CLMN: variants seen among roughly 807,000 people sequenced by gnomAD.
The protein encoded by CLMN is calmin.
CLMN carries 57 observed loss-of-function variants against 92.7 expected under a neutral mutation model. The ratio of observed to expected loss-of-function variants is 0.61; its 90% CI spans 0.50 to 0.77. The LOEUF (loss-of-function observed/expected upper bound fraction) is 0.77, where lower values mean the gene tolerates loss of function less well. Among genes scored for constraint, CLMN ranks in the 30% least tolerant of loss-of-function variants. CLMN has a pLI of 0.00. For synonymous variants in CLMN, 466 were observed against 470.6 expected, an observed-to-expected ratio of 0.99 and a Z score of 0.13; for missense variants, 1,158 against 1,237.5, an observed-to-expected ratio of 0.94 and a Z score of 0.96.
chr14:95,209,953 G>A (rs1045674026), intron 7 of CLMN, among the ~76,000 whole-genome samples: 25 of 152,204 alleles, frequency 1.6e-4, no homozygotes, highest in African/African-American at 5.8e-4. Flanking sequence ...TGGGATGCAC[G>A]TTGAGCTTTA....
chr14:95,182,565 C>T lies in CLMN; in HGVS notation c.*8999G>A, dbSNP rs1406627959. The T allele has an allele frequency of 6.6e-6, 1 of 151,872 alleles. No homozygotes were observed. Among genetic ancestry groups the T allele is most frequent in the African/African-American group, 2.4e-5 (1 of 41,124 alleles). 9.4% of individuals were successfully genotyped at this position (151,872 alleles called of 1,614,324 possible). A position where few individuals can be genotyped will look rare whatever the true frequency, so the allele number is the denominator to read the frequency against. Reference sequence around the variant, plus strand: ...CAGAGGGCAGGTGTCCCCTGCACCACATTCCCTCCCCACAGCTACCGCCCC... The same window carrying T: ...CAGAGGGCAGGTGTCCCCTGCACCATATTCCCTCCCCACAGCTACCGCCCC... On this transcript the variant is annotated 3_prime_UTR_variant, in exon 13 of 13. Transcript: ENST00000298912.
rs1901957475 is a variant in CLMN at position 95,319,649 on chromosome 14, G to A, written c.82+62C>T. The A allele has an allele frequency of 8.7e-6, 12 of 1,378,178 alleles. No homozygotes were observed. The South Asian group carries it at 1.3e-4, about 15-fold the overall frequency. The allele number at this position is 1,378,178 out of a possible 1,614,324, so 85.4% of individuals were successfully genotyped here. A position where few individuals can be genotyped will look rare whatever the true frequency, so the allele number is the denominator to read the frequency against. ...CGGCGCGGGGGAGTTGCCAAGTGTC[G>A]GAGCGGCGCCCCGGGCCCCCCGAGC... On this transcript the variant is annotated intron_variant, in intron 1 of 12. Transcript: ENST00000298912.
chr14:95,257,392 A>G (rs751752109), intron 1 of CLMN, among the ~76,000 whole-genome samples: 2 of 152,230 alleles, frequency 1.3e-5, no homozygotes, highest in Non-Finnish European at 2.9e-5. Flanking sequence ...GAAGGTGTCT[A>G]TTCATTGACA....
chr14:95,299,129 C>T (rs915950406), intron 1 of CLMN, among the ~76,000 whole-genome samples: 2 of 152,230 alleles, frequency 1.3e-5, no homozygotes, highest in Non-Finnish European at 2.9e-5. Flanking sequence ...CCTGTTAGCA[C>T]ATGGTCTAAT....
chr14:95,193,327 A>G, intron 12 of CLMN: 1 of 1,532,856 alleles, frequency 6.5e-7, no homozygotes, highest in Non-Finnish European at 8.7e-7. Context: ...ACTTTCATAG[A>G]CATCCTGGCA....
intron 1 of CLMN, 23 bp downstream of exon 1, chr14:95,319,687 CG>C: frequency 6.3e-7 from 1 of 1,583,944 alleles, no homozygotes. Flanking sequence ...CCAGCCATCC[CG>C]GGGCGAGCCT....
Position 95,189,852 on chromosome 14 carries a change from T to C in CLMN, c.*1712A>G, listed in dbSNP as rs1896521533. On this transcript the variant is annotated 3_prime_UTR_variant, in exon 13 of 13. Transcript: ENST00000298912. ...TTCTGGTTGGAAGGCTGAAATTCTT[T>C]CAGGAGGGGAGACAGACTATAATCA... 1 of 152,182 alleles carries C rather than the reference T, an allele frequency of 6.6e-6. No individual in the cohort carries two copies. 9.4% of individuals were successfully genotyped at this position (152,182 alleles called of 1,614,324 possible).
chr14:95,235,729 G>A (rs1303041999), intron 1 of CLMN, among the ~76,000 whole-genome samples: 7 of 152,146 alleles, frequency 4.6e-5, no homozygotes, highest in East Asian at 1.9e-4. Context: ...CAGAATTTCC[G>A]CATGGGAGCC....
At chr14:95,286,152 A>T (rs139873448) in intron 1 of CLMN, among the ~76,000 whole-genome samples, 47 of 152,348 alleles carry the variant, frequency 3.1e-4, no homozygotes, top group African/African-American at 1.1e-3. Context: ...TATGCTTTTT[A>T]AAAAGTCCTT....
At chr14:95,236,242 G>A (rs1009722530) in intron 1 of CLMN, among the ~76,000 whole-genome samples, 3 of 152,354 alleles carry the variant, frequency 2.0e-5, no homozygotes, top group Non-Finnish European at 2.9e-5. Context: ...CTGAGGTGCT[G>A]TGTGGTGCAC....
chr14:95,261,192 CA>C lies in CLMN; in HGVS notation c.83-31060del, dbSNP rs34154169. The stretch of plus-strand genomic sequence containing the variant: ...ATCACCGAGAGAAAGCACACAAATG[CA>C]AAAAAAAAAAAAAAAGTGGCACTAA... On this transcript the variant is annotated intron_variant, in intron 1 of 12. Coordinates refer to ENST00000298912, the MANE Select transcript of CLMN (RefSeq NM_024734.4). Among the ~76,000 whole-genome samples the C allele has an allele frequency of 9.5e-3, 1,209 of 127,852 alleles. 17 individuals are homozygous for C. The highest frequency in any genetic ancestry group is 0.029 in the African/African-American group (984 of 34,406). 83.9% of individuals were successfully genotyped at this position (127,852 alleles called of 152,430 possible).
At chr14:95,223,992 G>A in intron 2 of CLMN, 137 bp from the exon 3 acceptor site, 1 of 624,054 alleles carries the variant, frequency 1.6e-6, no homozygotes, top group Non-Finnish European at 2.8e-6. Flanking sequence ...GCCCATCCAA[G>A]GAGGTAGCAG....
intron 6 of CLMN, among the ~76,000 whole-genome samples, chr14:95,212,786 CTT>C (rs143791120): frequency 0.25 from 34,729 of 136,918 alleles, 4,665 homozygotes; most frequent in East Asian, 0.45. Flanking sequence ...TTCTGACATT[CTT>C]TTTTTTTTTT....
At chr14:95,293,425 C>A (rs1343698777) in intron 1 of CLMN, among the ~76,000 whole-genome samples, 1 of 146,572 alleles carries the variant, frequency 6.8e-6, no homozygotes, top group Non-Finnish European at 1.5e-5. Flanking sequence ...TCTCTCAATA[C>A]CTCCTTCCTC....
At chr14:95,212,098 A>G (rs1285655047) in intron 6 of CLMN, among the ~76,000 whole-genome samples, 1 of 152,164 alleles carries the variant, frequency 6.6e-6, no homozygotes, top group South Asian at 2.1e-4. Flanking sequence ...TGATCTCTCA[A>G]TCAAAACTCT....
At chr14:95,214,509 CT>C (rs935473227) in intron 5 of CLMN, among the ~76,000 whole-genome samples, 1 of 151,982 alleles carries the variant, frequency 6.6e-6, no homozygotes, top group Non-Finnish European at 1.5e-5. Flanking sequence ...ACCACCATGC[CT>C]GGCTAATTTT....
chr14:95,291,044 C>T lies in CLMN; in HGVS notation c.82+28667G>A, dbSNP rs144616543. On this transcript the variant is annotated intron_variant, in intron 1 of 12. Coordinates refer to ENST00000298912, the MANE Select transcript of CLMN (RefSeq NM_024734.4). ...ATCCTTCTAGGCACCTGCTGGGCTC[C>T]GAGCTGACCACGCTCTTCTGTCAAA... is the stretch of plus-strand genomic sequence containing the variant. 3.0e-3 allele frequency among the ~76,000 whole-genome samples: 461 copies of T among 152,324 alleles called. 2 individuals are homozygous for T. Among genetic ancestry groups the T allele is most frequent in the South Asian group, 0.012 (57 of 4,826 alleles).
chr14:95,306,128 G>T (rs917443972), intron 1 of CLMN, among the ~76,000 whole-genome samples: 13 of 152,146 alleles, frequency 8.5e-5, no homozygotes, highest in Non-Finnish European at 7.3e-5. Flanking sequence ...AGGTGACAGT[G>T]ACAGGCAGTC....
intron 1 of CLMN, among the ~76,000 whole-genome samples, chr14:95,319,502 C>A (rs1202000424): frequency 4.6e-5 from 7 of 152,168 alleles, no homozygotes; most frequent in Non-Finnish European, 8.8e-5. Flanking sequence ...TGGCGCCCCA[C>A]CCCCTGGGCA....
Sources: gnomAD v4.1 joint callset for allele counts (sites outside exome capture counted in the v4.1 genomes callset) on GRCh38, gnomAD v4.1.1 for gene constraint, MANE v1.5 for transcripts, NCBI Gene and HGNC (gene_info 2026-07-23, HGNC 2026-07-21) for gene names.